C1R: variants seen among roughly 807,000 people sequenced by gnomAD.
C1R encodes the protein complement C1r, also known as complement C1r subcomponent.
A neutral mutation model predicts 27.6 loss-of-function variants in C1R; 15 were observed. The ratio of observed to expected loss-of-function variants is 0.54; its 90% CI spans 0.36 to 0.84. C1R has a LOEUF of 0.84. C1R is among the 40% of genes least tolerant of loss of function. The pLI, the probability that C1R is intolerant of heterozygous loss-of-function variation, is 0.01. For missense variants in C1R, 544 were observed against 577.9 expected, an observed-to-expected ratio of 0.94 and a Z score of 0.60; for synonymous variants, 253 against 228.8, an observed-to-expected ratio of 1.11 and a Z score of -0.95.
At position 7,082,105 on chromosome 12, in the gene C1R, C is replaced by T. The variant is rs1938074640; in HGVS notation, c.1275G>A (p.Gly425=). The change falls in exon 10 of 11, where the codon GGG becomes GGA. Residue 425 remains glycine, a splice_region_variant and synonymous_variant. Coordinates refer to ENST00000647956, the MANE Select transcript of C1R (RefSeq NM_001733.7). ...TGCCCTGTGCTGTGCAGGTGTACACCCCTGAGGGCAGAGGAGGCAAGAATC... is the reference window on the plus strand; with the variant it reads ...TGCCCTGTGCTGTGCAGGTGTACACTCCTGAGGGCAGAGGAGGCAAGAATC... ...TRAGSRESEQ[G]VYTCTAQGIW... 1 of 1,505,192 alleles carries T rather than the reference C, an allele frequency of 6.6e-7. No homozygotes were observed. Among genetic ancestry groups the T allele is most frequent in the African/African-American group, 1.4e-5 (1 of 72,334 alleles). 93.2% of individuals were successfully genotyped at this position (1,505,192 alleles called of 1,614,324 possible).
At chr12:7,082,951 A>T (rs955583860) in intron 9 of C1R, among the ~76,000 whole-genome samples, 1 of 152,218 alleles carries the variant, frequency 6.6e-6, no homozygotes, top group Non-Finnish European at 1.5e-5. Flanking sequence ...AAGGTGCAAG[A>T]GGTTTTCTGA....
In C1R at chr12:7,086,026, AAC is replaced by A; in HGVS notation, c.1118-12_1118-11del. The A allele has an allele frequency of 2.5e-6, 1 of 398,652 alleles. No homozygotes were observed. The highest frequency in any genetic ancestry group is 4.4e-6 in the Non-Finnish European group (1 of 226,108). 24.7% of individuals were successfully genotyped at this position (398,652 alleles called of 1,614,324 possible). On this transcript the variant is annotated splice_polypyrimidine_tract_variant and intron_variant, in intron 8 of 10. Transcript: ENST00000647956. ...TGCCCACAGTCCTTGACTTGGAGAG[AAC>A]ACAGGGCAGGGTGAGAGCTGAGAAT...
intron 9 of C1R, among the ~76,000 whole-genome samples, chr12:7,085,071 G>C (rs1292867649): frequency 8.9e-6 from 1 of 112,772 alleles, no homozygotes; most frequent in Non-Finnish European, 2.0e-5. Flanking sequence ...GGTAATGATA[G>C]TGGTGATGGT....
chr12:7,084,854 A>ATGG (rs1938115969), intron 9 of C1R, among the ~76,000 whole-genome samples: 1 of 142,078 alleles, frequency 7.0e-6, no homozygotes, highest in African/African-American at 2.8e-5. Flanking sequence ...AGTGGTGGTG[A>ATGG]TGGTGTTGGT....
chr12:7,090,157 T>G lies in C1R; in HGVS notation c.323A>C (p.Gln108Pro). ...NPPGKKEFMSQGNKMLLTFHT... is the reference protein window; with the variant it reads ...NPPGKKEFMSPGNKMLLTFHT... ...GAAGGTCAGCAGCATCTTGTTCCCT[T>G]GGGACATAAATTCCTTCTTTCCCGG... The change falls in exon 3 of 11, where the codon CAA (glutamine) becomes CCA (proline). Residue 108 changes from glutamine to proline, a missense_variant. Gln to Pro is a moderately conservative substitution (Grantham distance 76). This residue lies in a region of C1R where 291 missense variants were observed against 209.0 expected (regional missense o/e 1.39). Coordinates refer to ENST00000647956, the MANE Select transcript of C1R (RefSeq NM_001733.7). 1.3e-6 allele frequency: 1 copy of G among 772,232 alleles called. No homozygotes were observed. The highest frequency in any genetic ancestry group is 2.4e-6 in the Non-Finnish European group (1 of 413,782). The allele number at this position is 772,232 out of a possible 1,614,324, so 47.8% of individuals were successfully genotyped here.
At chr12:7,089,244 T>C in intron 5 of C1R, 49 bp downstream of exon 5, 1 of 759,944 alleles carries the variant, frequency 1.3e-6, no homozygotes, top group South Asian at 1.4e-5. Flanking sequence ...AGGAGCCAAG[T>C]GCAGACAGAA....
chr12:7,081,222 G>A lies in C1R; in HGVS notation c.1428C>T (p.Pro476=), dbSNP rs1368173173. The change falls in exon 11 of 11, where the codon CCC becomes CCT. Residue 476 remains proline (P), a synonymous_variant. Transcript: ENST00000647956. Reference sequence around the variant, plus strand: ...CGTGGATGTTGGTGAACACCTGCCAGGGGAAGTTGCCCATCTTGGCTTTTT... The same window carrying A: ...CGTGGATGTTGGTGAACACCTGCCAAGGGAAGTTGCCCATCTTGGCTTTTT... The part of the protein sequence containing the change: ...GGQKAKMGNF[P]WQVFTNIHGR... The A allele has an allele frequency of 6.2e-7, 1 of 1,613,326 alleles. No individual in the cohort carries two copies. Among genetic ancestry groups the A allele is most frequent in the Admixed American group, 1.7e-5 (1 of 59,870 alleles).
rs1938211001 is a variant in C1R at position 7,089,267 on chromosome 12, GTCTTTCAGGGGT to G, written c.768+14_768+25del. ...AGTGCAGACAGAAGGGGAGGAAGGGGTCTTTCAGGGGTAGGACGGCTGTACCTGTAGCTGGTC... is the reference window on the plus strand; with the variant it reads ...AGTGCAGACAGAAGGGGAGGAAGGGGAGGACGGCTGTACCTGTAGCTGGTC... On this transcript the variant is annotated intron_variant, in intron 5 of 10. Coordinates refer to ENST00000647956, the MANE Select transcript of C1R (RefSeq NM_001733.7). 1 of 776,640 alleles carries G rather than the reference GTCTTTCAGGGGT, an allele frequency of 1.3e-6. No individual in the cohort carries two copies. The highest frequency in any genetic ancestry group is 2.4e-6 in the Non-Finnish European group (1 of 416,778). 48.1% of individuals were successfully genotyped at this position (776,640 alleles called of 1,614,324 possible). A position where few individuals can be genotyped will look rare whatever the true frequency, so the allele number is the denominator to read the frequency against.
At chr12:7,090,006 A>T (rs913274184) in intron 3 of C1R, 50 bp downstream of exon 3, 2 of 720,540 alleles carry the variant, frequency 2.8e-6, no homozygotes, top group African/African-American at 3.5e-5. Flanking sequence ...TTGGCCCCCC[A>T]TTCAATATGG....
chr12:7,084,748 G>T (rs1938111390), intron 9 of C1R, among the ~76,000 whole-genome samples: 1 of 150,828 alleles, frequency 6.6e-6, no homozygotes, highest in Non-Finnish European at 1.5e-5. Flanking sequence ...TGATGGTGTT[G>T]GTAATGGTGA....
intron 9 of C1R, among the ~76,000 whole-genome samples, 167 bp downstream of exon 9, chr12:7,085,694 T>C (rs963454840): frequency 6.6e-6 from 1 of 152,094 alleles, no homozygotes; most frequent in Non-Finnish European, 1.5e-5. Context: ...AGATGCCTCC[T>C]TCTTCAAACC....
In C1R at chr12:7,081,050, T is replaced by C. The variant is rs1238419759; in HGVS notation, c.1600A>G (p.Asn534Asp). ...ACGCTGACCCTGCGGATGGGGTGAT[T>C]TCCTAGCTTCATGAGCTCTTCCACA... ...TNVEELMKLG[N>D]HPIRRVSVHP... is the part of the protein sequence containing the mutation. The change falls in exon 11 of 11, where the codon AAT (asparagine) becomes GAT (aspartate). Residue 534 changes from asparagine to aspartate, a missense_variant. Transcript: ENST00000647956. 1 of 1,613,990 alleles carries C rather than the reference T, an allele frequency of 6.2e-7. No homozygotes were observed. Among genetic ancestry groups the C allele is most frequent in the East Asian group, 2.2e-5 (1 of 44,882 alleles).
At position 7,082,721 on chromosome 12, in the gene C1R, G is replaced by A. The variant is rs1162645009; in HGVS notation, c.1274-615C>T. On this transcript the variant is annotated intron_variant, in intron 9 of 10. Transcript: ENST00000647956. ...GAAGGAATATATCAAAATCTTATCAGTGATTGCATCTTGGTCGTGGAATCA... is the reference window on the plus strand; with the variant it reads ...GAAGGAATATATCAAAATCTTATCAATGATTGCATCTTGGTCGTGGAATCA... Among the ~76,000 whole-genome samples the A allele has an allele frequency of 3.9e-5, 6 of 152,242 alleles. No individual in the cohort carries two copies. The East Asian group carries it at 9.6e-4, about 24-fold the overall frequency.
chr12:7,083,268 T>C (rs1316843919), intron 9 of C1R, among the ~76,000 whole-genome samples: 6 of 125,248 alleles, frequency 4.8e-5, no homozygotes, highest in African/African-American at 2.0e-4. Context: ...GTGGTGATGG[T>C]AGTATTTGCT....
intron 1 of C1R, 118 bp downstream of exon 1, chr12:7,092,269 G>A (rs1278067018): frequency 5.3e-6 from 4 of 761,732 alleles, no homozygotes; most frequent in Non-Finnish European, 9.8e-6. Context: ...TGTGCACAGT[G>A]GAACTGATGA....
intron 3 of C1R, 118 bp downstream of exon 3, chr12:7,089,938 G>A (rs753847112): frequency 6.7e-5 from 47 of 701,304 alleles, no homozygotes; most frequent in Middle Eastern, 6.3e-4. Context: ...AAGCTCTCTC[G>A]AGGGGAGGAA....
Position 7,080,843 on chromosome 12 carries a change from T to A in C1R, c.1807A>T (p.Ile603Phe). 1 of 1,613,864 alleles carries A rather than the reference T, an allele frequency of 6.2e-7. No individual in the cohort carries two copies. Among genetic ancestry groups the A allele is most frequent in the African/African-American group, 1.3e-5 (1 of 75,008 alleles). The change falls in exon 11 of 11, where the codon ATT (isoleucine) becomes TTT (phenylalanine). Residue 603 changes from isoleucine (I) to phenylalanine (F), a missense_variant. By Grantham distance (21) the Ile-to-Phe change is conservative. Transcript: ENST00000647956. This position sits in a 1 kb window ranked among gnomAD's most constrained non-coding sequence, Gnocchi z 4.9. ...CGGACAAACCTGAGGTCATGAGCAA[T>A]CTTCTCCTCCATGACCCCGAAGCCA... ...VSGFGVMEEK[I>F]AHDLRFVRLP...
intron 5 of C1R, 51 bp from the exon 6 acceptor site, chr12:7,089,037 G>T: frequency 1.5e-6 from 1 of 682,640 alleles, no homozygotes. Context: ...TTTTACACAG[G>T]GCCAACTGGG....
At chr12:7,081,553 C>T (rs1322014387) in intron 10 of C1R, among the ~76,000 whole-genome samples, 1 of 151,052 alleles carries the variant, frequency 6.6e-6, no homozygotes, top group African/African-American at 2.4e-5. Context: ...CATGCAGTGG[C>T]GCGATTTCAG....
Sources: allele counts gnomAD v4.1 joint callset (sites outside exome capture counted in the v4.1 genomes callset), GRCh38; gene constraint gnomAD v4.1.1; regional missense constraint gnomAD v4.1.1; non-coding constraint Gnocchi (gnomAD v3.1); transcripts MANE v1.5; gene names NCBI Gene and HGNC (gene_info 2026-07-23, HGNC 2026-07-21).